The following KIF20A variants were observed in gnomAD, a reference collection of about 807,000 sequenced individuals.
The protein encoded by KIF20A is kinesin family member 20A.
In KIF20A, 66 loss-of-function variants were observed where a neutral mutation model predicts 113.0. The observed-to-expected ratio is 0.58, with a 90% CI of 0.48 to 0.72. The LOEUF (loss-of-function observed/expected upper bound fraction) is 0.72. KIF20A is among the 30% of genes least tolerant of loss of function. The pLI is 0.00. For synonymous variants in KIF20A, 376 were observed against 402.3 expected (o/e 0.93, Z 0.78); for missense variants, 927 against 1,077.6 (o/e 0.86, Z 1.96).
At position 138,179,855 on chromosome 5, in the gene KIF20A, C is replaced by G; in HGVS notation, c.165+10C>G. On this transcript the variant is annotated intron_variant, in intron 2 of 18. Transcript: ENST00000394894. ...AGAGGACAAGCAGCAGGTAAAGGAA[C>G]TGGGGAGTGGCTGGGGCGGAAAGTG... 1 of 1,613,584 alleles carries G rather than the reference C, an allele frequency of 6.2e-7. No individual in the cohort carries two copies. The highest frequency in any genetic ancestry group is 1.3e-5 in the African/African-American group (1 of 75,010).
Position 138,183,372 on chromosome 5 carries a change from A to G in KIF20A, c.1027+9A>G, listed in dbSNP as rs1754691723. ...CAATCCCTATGTGAAAGGTAAAGGA[A>G]CATGGGGAAAGCTGGCATGAACCCT... is the stretch of plus-strand genomic sequence containing the variant. On this transcript the variant is annotated intron_variant, in intron 8 of 18. Transcript: ENST00000394894. The surrounding 1 kb of genome is among the most constrained non-coding windows in gnomAD (Gnocchi z 5.2). 1.2e-6 allele frequency: 2 copies of G among 1,613,912 alleles called. No individual in the cohort carries two copies. Among genetic ancestry groups the G allele is most frequent in the Non-Finnish European group, 1.7e-6 (2 of 1,179,934 alleles).
In KIF20A at chr5:138,187,599, T is replaced by TTA; in HGVS notation, c.*188_*189dup. 2 of 499,934 alleles carry TTA rather than the reference T, an allele frequency of 4.0e-6. No individual in the cohort carries two copies. The highest frequency in any genetic ancestry group is 3.5e-6 in the Non-Finnish European group (1 of 286,480). 31.0% of individuals were successfully genotyped at this position (499,934 alleles called of 1,614,324 possible). On this transcript the variant is annotated 3_prime_UTR_variant, in exon 19 of 19. Transcript: ENST00000394894. ...TGTAATCTCATGTTGTTGTTTTTTTTTATTTACTTATATGATTTCTATGCA... is the reference window on the plus strand; with the variant it reads ...TGTAATCTCATGTTGTTGTTTTTTTTTATATTTACTTATATGATTTCTATGCA...
In KIF20A at chr5:138,187,677, C is replaced by A; in HGVS notation, c.*264C>A. The A allele has an allele frequency of 3.3e-6, 1 of 304,672 alleles. No homozygotes were observed. The highest frequency in any genetic ancestry group is 6.1e-6 in the Non-Finnish European group (1 of 162,954). 18.9% of individuals were successfully genotyped at this position (304,672 alleles called of 1,614,324 possible). ...ATTGTTCACATTTTTTATTGAATTCCAAATGTAGCAAAATCATTAAAACAA... is the reference window on the plus strand; with the variant it reads ...ATTGTTCACATTTTTTATTGAATTCAAAATGTAGCAAAATCATTAAAACAA... On this transcript the variant is annotated 3_prime_UTR_variant, in exon 19 of 19. Transcript: ENST00000394894.
In KIF20A at chr5:138,183,424, A is replaced by G. The variant is rs1723077447; in HGVS notation, c.1028-46A>G. ...GAGGGCAACTGGGGAGAGACTGGCAAAAGAGTTGGATGTTCCCATCTTACA... is the reference window on the plus strand; with the variant it reads ...GAGGGCAACTGGGGAGAGACTGGCAGAAGAGTTGGATGTTCCCATCTTACA... On this transcript the variant is annotated intron_variant, in intron 8 of 18. Coordinates refer to ENST00000394894, the MANE Select transcript of KIF20A (RefSeq NM_005733.3). The surrounding 1 kb of genome is among the most constrained non-coding windows in gnomAD (Gnocchi z 5.2). The G allele has an allele frequency of 1.9e-6, 3 of 1,611,936 alleles. No homozygotes were observed. The highest frequency in any genetic ancestry group is 1.1e-5 in the South Asian group (1 of 91,024).
intron 16 of KIF20A, 87 bp downstream of exon 16, chr5:138,185,797 A>G: frequency 1.4e-6 from 2 of 1,456,390 alleles, no homozygotes; most frequent in East Asian, 2.3e-5. Flanking sequence ...CTGCTCTAAC[A>G]TAATTTCCTA....
chr5:138,182,814 A>C, intron 6 of KIF20A, 41 bp downstream of exon 6: 1 of 1,613,624 alleles, frequency 6.2e-7, no homozygotes, highest in East Asian at 2.2e-5. Flanking sequence ...TAGGGGGTAC[A>C]AATCTCGGGG....
At position 138,184,324 on chromosome 5, in the gene KIF20A, A is replaced by T; in HGVS notation, c.1438A>T (p.Met480Leu). 1 of 1,614,160 alleles carries T rather than the reference A, an allele frequency of 6.2e-7. No individual in the cohort carries two copies. The highest frequency in any genetic ancestry group is 8.5e-7 in the Non-Finnish European group (1 of 1,180,012). The change falls in exon 12 of 19, where the codon ATG (methionine) becomes TTG (leucine). Residue 480 changes from methionine to leucine, a missense_variant. Physicochemically the swap from Met to Leu is conservative, Grantham distance 15. Coordinates refer to ENST00000394894, the MANE Select transcript of KIF20A (RefSeq NM_005733.3). ...GFFTGRGRSCMIVNVNPCAST... is the reference protein window; with the variant it reads ...GFFTGRGRSCLIVNVNPCAST... Reference sequence around the variant, plus strand: ...CTTCACAGGCCGAGGCCGTTCCTGCATGATTGTCAATGTGAATCCCTGTGC... The same window carrying T: ...CTTCACAGGCCGAGGCCGTTCCTGCTTGATTGTCAATGTGAATCCCTGTGC...
At chr5:138,184,765 G>A in intron 13 of KIF20A, 42 bp from the exon 14 acceptor site, 1 of 1,612,478 alleles carries the variant, frequency 6.2e-7, no homozygotes, top group Non-Finnish European at 8.5e-7. Context: ...CCTTCTGAGG[G>A]CATGAGCATC....
At chr5:138,181,161 T>C (rs1161069393) in intron 2 of KIF20A, among the ~76,000 whole-genome samples, 1 of 152,252 alleles carries the variant, frequency 6.6e-6, no homozygotes, top group African/African-American at 2.4e-5. Context: ...CTAATTTTCA[T>C]ACCAGTCAAT....
At chr5:138,186,531 G>C (rs1049781193) in intron 18 of KIF20A, 100 bp downstream of exon 18, 4 of 1,346,094 alleles carry the variant, frequency 3.0e-6, no homozygotes, top group African/African-American at 3.0e-5. Context: ...AGATTTTTAG[G>C]CTGAATTTAT....
In KIF20A at chr5:138,187,160, C is replaced by G; in HGVS notation, c.2420C>G (p.Ala807Gly). 1 of 1,613,968 alleles carries G rather than the reference C, an allele frequency of 6.2e-7. No homozygotes were observed. The highest frequency in any genetic ancestry group is 8.5e-7 in the Non-Finnish European group (1 of 1,179,864). The change falls in exon 19 of 19, where the codon GCA (alanine) becomes GGA (glycine). Residue 807 changes from alanine to glycine, a missense_variant. By Grantham distance (60) the Ala-to-Gly change is moderately conservative. Transcript: ENST00000394894. ...GTGAAACTGGACCTTCGGAAGAAGG[C>G]AGCATGTATTGCTGAGCAGTATCAT... ...VLVKLDLRKK[A>G]ACIAEQYHTV...
intron 11 of KIF20A, 59 bp downstream of exon 11, chr5:138,184,164 C>G: frequency 6.2e-7 from 1 of 1,611,320 alleles, no homozygotes; most frequent in Non-Finnish European, 8.5e-7. Context: ...TCCTGGACAC[C>G]ACTGGGGATG....
Position 138,187,265 on chromosome 5 carries a change from AACC to A in KIF20A, c.2530_2532del (p.Pro844del). ...CAGGAAAATCAGCAACCAAACCAACAACCACCAGGGAAGAAACCATTCCTTCGA... is the reference window on the plus strand; with the variant it reads ...CAGGAAAATCAGCAACCAAACCAACAACCAGGGAAGAAACCATTCCTTCGA... On this transcript the variant is annotated inframe_deletion, in exon 19 of 19. Transcript: ENST00000394894. The A allele has an allele frequency of 1.2e-6, 2 of 1,614,146 alleles. No individual in the cohort carries two copies. The highest frequency in any genetic ancestry group is 8.5e-7 in the Non-Finnish European group (1 of 1,180,020).
chr5:138,182,950 C>G lies in KIF20A; in HGVS notation c.792C>G (p.Leu264=), dbSNP rs1449412890. Residue 264 remains leucine, a synonymous_variant, in exon 7 of 19, where the codon CTC becomes CTG. Transcript: ENST00000394894. ...STSFDSGIAG[L]SSISQCTSSS... is the part of the protein sequence containing the mutation. ...GCTTCGACAGTGGCATTGCTGGGCT[C>G]TCTTCTATCAGTCAGTGTACCAGCA... 4 of 1,614,224 alleles carry G rather than the reference C, an allele frequency of 2.5e-6. No homozygotes were observed. The Admixed American group carries it at 5.0e-5, about 20-fold the overall frequency.
At position 138,186,275 on chromosome 5, in the gene KIF20A, C is replaced by T. The variant is rs775001244; in HGVS notation, c.2218-19C>T. ...GGTTGCTCTTGGCCACAATATGATT[C>T]CTACTTCCCCTTTTTCAGAATATAA... On this transcript the variant is annotated intron_variant, in intron 17 of 18. Coordinates refer to ENST00000394894, the MANE Select transcript of KIF20A (RefSeq NM_005733.3). 3 of 1,582,536 alleles carry T rather than the reference C, an allele frequency of 1.9e-6. No homozygotes were observed. In the Admixed American group the frequency reaches 6.1e-5, roughly 32 times the overall value.
chr5:138,180,441 A>G (rs1754637783), intron 2 of KIF20A, among the ~76,000 whole-genome samples: 2 of 152,232 alleles, frequency 1.3e-5, no homozygotes, highest in Admixed American at 1.3e-4. Context: ...CACTTCAGGC[A>G]TTGCTAAATG....
At position 138,179,832 on chromosome 5, in the gene KIF20A, A is replaced by C; in HGVS notation, c.152A>C (p.Glu51Ala). 6.2e-7 allele frequency: 1 copy of C among 1,614,036 alleles called. No homozygotes were observed. The highest frequency in any genetic ancestry group is 1.3e-5 in the African/African-American group (1 of 75,018). The stretch of plus-strand genomic sequence containing the variant: ...TGCTCTGTCGTCTCTACCTCCCTAG[A>C]GGACAAGCAGCAGGTAAAGGAACTG... ...SDCSVVSTSLEDKQQVPSEDS... is the reference protein window; with the variant it reads ...SDCSVVSTSLADKQQVPSEDS... Residue 51 changes from glutamate (E) to alanine (A), a missense_variant, in exon 2 of 19, where the codon GAG becomes GCG. Transcript: ENST00000394894.
intron 18 of KIF20A, 46 bp downstream of exon 18, chr5:138,186,477 A>C: frequency 2.5e-6 from 4 of 1,575,250 alleles, no homozygotes; most frequent in Non-Finnish European, 3.4e-6. Flanking sequence ...AGCCCACTCC[A>C]GTGTATATGT....
Position 138,179,624 on chromosome 5 carries a change from G to T in KIF20A, c.-21-36G>T, listed in dbSNP as rs533908297. The T allele has an allele frequency of 6.2e-6, 10 of 1,601,982 alleles. No homozygotes were observed. The African/African-American group carries it at 1.1e-4, about 17-fold the overall frequency. ...TTCGCGGCCCCTTCTGTCCCTAAAG[G>T]TTCTTCTCCCTGCCCACTTTTTGGT... On this transcript the variant is annotated intron_variant, in intron 1 of 18. Transcript: ENST00000394894.
Sources: gnomAD v4.1 joint callset for allele counts (sites outside exome capture counted in the v4.1 genomes callset) on GRCh38, gnomAD v4.1.1 for gene constraint, Gnocchi (gnomAD v3.1) non-coding constraint, MANE v1.5 for transcripts, NCBI Gene and HGNC (gene_info 2026-07-23, HGNC 2026-07-21) for gene names.